Variants in ADAMTS12 observed in about 807,000 individuals in gnomAD.
ADAMTS12 encodes the protein A disintegrin and metalloproteinase with thrombospondin motifs 12.
A neutral mutation model predicts 167.8 loss-of-function variants in ADAMTS12; 118 were observed. That is an observed-to-expected ratio of 0.70 (90% CI 0.61 to 0.82). The LOEUF (loss-of-function observed/expected upper bound fraction) is 0.82. Among genes scored for constraint, ADAMTS12 ranks in the 40% least tolerant of loss-of-function variants. The pLI, the probability that ADAMTS12 is intolerant of heterozygous loss-of-function variation, is 0.00. For missense variants in ADAMTS12, 1,916 were observed against 1,998.8 expected (o/e 0.96, Z 0.79); for synonymous variants, 704 against 716.9 (o/e 0.98, Z 0.29).
At chr5:33,534,763 A>G in intron 23 of ADAMTS12, 70 bp downstream of exon 23, 2 of 1,525,804 alleles carry the variant, frequency 1.3e-6, no homozygotes, top group Non-Finnish European at 1.8e-6. Context: ...AAAGCTATCT[A>G]CAAGTTGTAT....
intron 18 of ADAMTS12, among the ~76,000 whole-genome samples, chr5:33,580,455 C>T (rs1747007618): frequency 7.4e-6 from 1 of 135,600 alleles, no homozygotes; most frequent in Non-Finnish European, 1.7e-5. Context: ...TAATCATTCC[C>T]CATGAGTTCC....
At chr5:33,783,967 T>C (rs748549151) in intron 2 of ADAMTS12, among the ~76,000 whole-genome samples, 2 of 151,850 alleles carry the variant, frequency 1.3e-5, no homozygotes, top group Non-Finnish European at 1.5e-5. Flanking sequence ...AACAAAATAA[T>C]AACAAACCAA....
At chr5:33,789,350 C>G (rs1020564458) in intron 2 of ADAMTS12, among the ~76,000 whole-genome samples, 1 of 152,216 alleles carries the variant, frequency 6.6e-6, no homozygotes, top group African/African-American at 2.4e-5. Context: ...CATGGCCTCC[C>G]CCAGGGCTGA....
At chr5:33,676,976 C>T (rs1054720098) in intron 5 of ADAMTS12, among the ~76,000 whole-genome samples, 4 of 152,166 alleles carry the variant, frequency 2.6e-5, no homozygotes, top group Non-Finnish European at 5.9e-5. Context: ...GCTGTACCTT[C>T]AAGCCCCACC....
chr5:33,722,434 C>T (rs975805221), intron 3 of ADAMTS12, among the ~76,000 whole-genome samples: 8 of 152,220 alleles, frequency 5.3e-5, no homozygotes, highest in Admixed American at 6.5e-5. Flanking sequence ...ATAAGGTAGA[C>T]ATTATTATAT....
chr5:33,727,186 G>C (rs1318163332), intron 3 of ADAMTS12, among the ~76,000 whole-genome samples: 1 of 152,140 alleles, frequency 6.6e-6, no homozygotes, highest in Non-Finnish European at 1.5e-5. Flanking sequence ...CAAGCACAAT[G>C]AACTGTGGCT....
chr5:33,687,162 GT>G (rs1484338982), intron 3 of ADAMTS12, among the ~76,000 whole-genome samples: 1 of 151,590 alleles, frequency 6.6e-6, no homozygotes, highest in Non-Finnish European at 1.5e-5. Flanking sequence ...TTACTCAGTA[GT>G]AAACAGTCAT....
chr5:33,683,913 A>G lies in ADAMTS12; in HGVS notation c.777T>C (p.Ile259=). 1 of 1,606,700 alleles carries G rather than the reference A, an allele frequency of 6.2e-7. No individual in the cohort carries two copies. The highest frequency in any genetic ancestry group is 1.1e-5 in the South Asian group (1 of 89,702). The change falls in exon 4 of 24, where the codon ATT becomes ATC. Residue 259 remains isoleucine, a synonymous_variant. Transcript: ENST00000504830. ...ETLVVADTKM[I]EYHGSENVES... ...CCACATTCTCACTCCCATGGTATTC[A>G]ATCATCTTTGTGTCGGCCACCACCA...
Position 33,873,946 on chromosome 5 carries a change from A to T in ADAMTS12, c.489+7173T>A, listed in dbSNP as rs1437398480. On this transcript the variant is annotated intron_variant, in intron 2 of 23. Transcript: ENST00000504830. ...TAATGCAAACTGGATGACAGAGTTAAATGTACAATATAAAACTCTAAAATT... is the reference window on the plus strand; with the variant it reads ...TAATGCAAACTGGATGACAGAGTTATATGTACAATATAAAACTCTAAAATT... 2.6e-5 allele frequency among the ~76,000 whole-genome samples: 4 copies of T among 152,216 alleles called. No individual in the cohort carries two copies. In the East Asian group the frequency reaches 7.7e-4, roughly 29 times the overall value.
At chr5:33,644,006 G>C (rs2112178281) in intron 9 of ADAMTS12, among the ~76,000 whole-genome samples, 1 of 152,272 alleles carries the variant, frequency 6.6e-6, no homozygotes, top group South Asian at 2.1e-4. Flanking sequence ...TACCCTTATG[G>C]GGATAAAGGA....
At chr5:33,685,449 C>T (rs1392517341) in intron 3 of ADAMTS12, among the ~76,000 whole-genome samples, 1 of 152,206 alleles carries the variant, frequency 6.6e-6, no homozygotes, top group Non-Finnish European at 1.5e-5. Flanking sequence ...ATATCCTGCC[C>T]TCTCCCTTGG....
intron 1 of ADAMTS12, among the ~76,000 whole-genome samples, chr5:33,881,734 GTTTTTTTTTT>G (rs11295558): frequency 8.3e-6 from 1 of 120,188 alleles, no homozygotes; most frequent in Non-Finnish European, 1.8e-5. Flanking sequence ...GGCTAATTTT[GTTTTTTTTTT>G]TTTTTTTTTA....
At chr5:33,851,053 C>A (rs1749202552) in intron 2 of ADAMTS12, among the ~76,000 whole-genome samples, 1 of 152,198 alleles carries the variant, frequency 6.6e-6, no homozygotes, top group South Asian at 2.1e-4. Context: ...AAGTCCAGTG[C>A]TTGCGCATGA....
rs372178317 is a variant in ADAMTS12 at position 33,525,941 on chromosome 5, T to C, written c.*1247A>G. ...GCCTACTTTGACTTCTGGTGGGAGG[T>C]AGGAACATCCAGAACAAGCATTCTA... On this transcript the variant is annotated 3_prime_UTR_variant, in exon 24 of 24. Transcript: ENST00000504830. The C allele has an allele frequency of 2.3e-4, 35 of 152,294 alleles. No individual in the cohort carries two copies. The highest frequency in any genetic ancestry group is 7.9e-4 in the African/African-American group (33 of 41,568). 9.4% of individuals were successfully genotyped at this position (152,294 alleles called of 1,614,324 possible). A position where few individuals can be genotyped will look rare whatever the true frequency, so the allele number is the denominator to read the frequency against.
Position 33,546,177 on chromosome 5 carries a change from A to G in ADAMTS12, c.4328T>C (p.Val1443Ala). 6.2e-7 allele frequency: 1 copy of G among 1,613,470 alleles called. No homozygotes were observed. The highest frequency in any genetic ancestry group is 8.5e-7 in the Non-Finnish European group (1 of 1,179,792). ...TGGACAGAACACTCCTCTCTCCTGA[A>G]CTCCACCTCCACAGGACCTGGAGCA... ...SQCSRSCGGG[V>A]QERGVFCPGG... The change falls in exon 22 of 24, where the codon GTT (valine) becomes GCT (alanine). Residue 1443 changes from valine (V) to alanine (A), a missense_variant. Coordinates refer to ENST00000504830, the MANE Select transcript of ADAMTS12 (RefSeq NM_030955.4).
At chr5:33,778,933 C>T (rs2112437909) in intron 2 of ADAMTS12, among the ~76,000 whole-genome samples, 1 of 152,044 alleles carries the variant, frequency 6.6e-6, no homozygotes, top group South Asian at 2.1e-4. Context: ...CAGGAAAATG[C>T]AAATCAAAAC....
At chr5:33,790,584 A>C (rs1274997322) in intron 2 of ADAMTS12, among the ~76,000 whole-genome samples, 4 of 150,470 alleles carry the variant, frequency 2.7e-5, no homozygotes, top group Non-Finnish European at 5.9e-5. Context: ...AAAAAGAAAA[A>C]AGAATGTCCC....
At chr5:33,565,855 GC>G (rs1244459554) in intron 19 of ADAMTS12, among the ~76,000 whole-genome samples, 1 of 151,968 alleles carries the variant, frequency 6.6e-6, no homozygotes, top group Non-Finnish European at 1.5e-5. Context: ...CTTCATTTTG[GC>G]TTAATTTGCG....
intron 3 of ADAMTS12, among the ~76,000 whole-genome samples, chr5:33,718,308 C>A (rs1579869705): frequency 6.6e-6 from 1 of 152,160 alleles, no homozygotes; most frequent in African/African-American, 2.4e-5. Context: ...GGGGCCCCAA[C>A]CTCCAGGCCA....
Sources: gnomAD v4.1 joint callset for allele counts (sites outside exome capture counted in the v4.1 genomes callset) on GRCh38, gnomAD v4.1.1 for gene constraint, MANE v1.5 for transcripts, NCBI Gene and HGNC (gene_info 2026-07-23, HGNC 2026-07-21) for gene names.